ART5: variants seen among roughly 807,000 people sequenced by gnomAD.
ART5 encodes the protein ecto-ADP-ribosyltransferase 5.
A neutral mutation model predicts 25.0 loss-of-function variants in ART5; 22 were observed. The ratio of observed to expected loss-of-function variants is 0.88; its 90% confidence interval spans 0.63 to 1.26. ART5 has a LOEUF of 1.26. Among genes scored for constraint, ART5 ranks in the 50% most tolerant of loss-of-function variants. The pLI is 0.00. For synonymous variants in ART5, 161 were observed against 154.8 expected (o/e 1.04, Z -0.30); for missense variants, 402 against 372.8 (o/e 1.08, Z -0.64).
chr11:3,639,159 C>A (rs562146876), intron 2 of ART5, 124 bp from the exon 3 acceptor site: 289 of 1,091,542 alleles, frequency 2.6e-4, no homozygotes, highest in Non-Finnish European at 3.1e-4. Context: ...TAAAGGGAAA[C>A]TTCTGATTTC....
rs140690198 is a variant in ART5, at chr11:3,641,832, C to A, written c.31G>T (p.Gly11Cys). The stretch of plus-strand genomic sequence containing the variant: ...TGCCAGGTGTGGAGGCCGAGGCTGC[C>A]GAGGGCGATCATCAAAGCCGCCAGC... MALAALMIAL[G>C]SLGLHTWQAQ... The change falls in exon 1 of 4, where the codon GGC becomes TGC. Residue 11 changes from glycine to cysteine, a missense_variant. Coordinates refer to ENST00000397068, the MANE Select transcript of ART5 (RefSeq NM_053017.5). 5.1e-4 allele frequency: 801 copies of A among 1,578,540 alleles called. 1 individual carries two copies. The highest frequency in any genetic ancestry group is 6.4e-4 in the Non-Finnish European group (750 of 1,163,170).
Position 3,638,988 on chromosome 11 carries a change from G to T in ART5, c.820+15C>A. On this transcript the variant is annotated intron_variant, in intron 3 of 3. Transcript: ENST00000397068. ...GGAGTCAAAGCAGCTGAAGGAGGATGGAAGGGCAACTCACCTGGCGCAGAC... is the reference window on the plus strand; with the variant it reads ...GGAGTCAAAGCAGCTGAAGGAGGATTGAAGGGCAACTCACCTGGCGCAGAC... 6.4e-7 allele frequency: 1 copy of T among 1,557,934 alleles called. No homozygotes were observed. The highest frequency in any genetic ancestry group is 8.7e-7 in the Non-Finnish European group (1 of 1,150,428).
At position 3,641,823 on chromosome 11, in the gene ART5, C is replaced by T. The variant is rs549422035; in HGVS notation, c.40G>A (p.Gly14Ser). The T allele has an allele frequency of 4.7e-5, 74 of 1,577,770 alleles. No homozygotes were observed. Among genetic ancestry groups the T allele is most frequent in the Admixed American group, 1.3e-4 (7 of 52,824 alleles). ...GGAGTTACCTGCCAGGTGTGGAGGC[C>T]GAGGCTGCCGAGGGCGATCATCAAA... ...AALMIALGSL[G>S]LHTWQAQAVP... Residue 14 changes from glycine (G) to serine (S), a missense_variant, in exon 1 of 4, where the codon GGC becomes AGC. By Grantham distance (56) the Gly-to-Ser change is moderately conservative (BLOSUM62 0). Coordinates refer to ENST00000397068, the MANE Select transcript of ART5 (RefSeq NM_053017.5).
chr11:3,640,414 C>T, intron 1 of ART5, 43 bp from the exon 2 acceptor site: 1 of 1,537,098 alleles, frequency 6.5e-7, no homozygotes, highest in South Asian at 1.3e-5. Flanking sequence ...AGCATAAGTT[C>T]AGAGCACTGG....
chr11:3,638,613 T>G lies in ART5; in HGVS notation c.*125A>C. The G allele has an allele frequency of 8.2e-7, 1 of 1,223,546 alleles. No homozygotes were observed. Among genetic ancestry groups the G allele is most frequent in the Non-Finnish European group, 1.2e-6 (1 of 840,372 alleles). 75.8% of individuals were successfully genotyped at this position (1,223,546 alleles called of 1,614,324 possible). A position where few individuals can be genotyped will look rare whatever the true frequency, so the allele number is the denominator to read the frequency against. Reference sequence around the variant, plus strand: ...CAAGTGGCTGCCTCAGTACTTTCCTTGCTTGTCCCAGGAAGTCCCCATCAC... The same window carrying G: ...CAAGTGGCTGCCTCAGTACTTTCCTGGCTTGTCCCAGGAAGTCCCCATCAC... On this transcript the variant is annotated 3_prime_UTR_variant, in exon 4 of 4. Coordinates refer to ENST00000397068, the MANE Select transcript of ART5 (RefSeq NM_053017.5).
At chr11:3,641,440 T>C (rs2077395435) in intron 1 of ART5, among the ~76,000 whole-genome samples, 1 of 152,108 alleles carries the variant, frequency 6.6e-6, no homozygotes, top group South Asian at 2.1e-4. Flanking sequence ...CCTCCCCTGC[T>C]CTGTACCCAC....
chr11:3,638,823 C>A (rs752689811), intron 3 of ART5, 30 bp from the exon 4 acceptor site: 2 of 1,614,108 alleles, frequency 1.2e-6, no homozygotes, highest in South Asian at 2.2e-5. Context: ...CTTTCAGGGC[C>A]CAACCCCTGA....
At chr11:3,642,132 A>G, upstream of ART5, 1 of 1,305,538 alleles carries the variant, frequency 7.7e-7, no homozygotes. Context: ...GCGGGGCCGC[A>G]GTTTGGCTCC....
At position 3,640,270 on chromosome 11, in the gene ART5, C is replaced by G. The variant is rs750097894; in HGVS notation, c.159G>C (p.Leu53=). 1.2e-5 allele frequency: 19 copies of G among 1,613,444 alleles called. No individual in the cohort carries two copies. Among genetic ancestry groups the G allele is most frequent in the Middle Eastern group, 1.6e-4 (1 of 6,084 alleles). ...AEEMEEKAAP[L]LKEEMAHHAL... is the part of the protein sequence containing the mutation. ...CATGGTGGGCCATTTCCTCCTTTAG[C>G]AGGGGGGCTGCCTTCTCCTCCATCT... Residue 53 remains leucine, a synonymous_variant, in exon 2 of 4, where the codon CTG becomes CTC. Transcript: ENST00000397068.
Position 3,639,997 on chromosome 11 carries a change from C to T in ART5, c.432G>A (p.Leu144=). 2 of 1,614,184 alleles carry T rather than the reference C, an allele frequency of 1.2e-6. No homozygotes were observed. Among genetic ancestry groups the T allele is most frequent in the South Asian group, 2.2e-5 (2 of 91,088 alleles). Reference sequence around the variant, plus strand: ...CCCTGCTGCAGCCCCCACTGCCTCGCAGCAGCTGCAGGGCCCGGATCAGGT... The same window carrying T: ...CCCTGCTGCAGCCCCCACTGCCTCGTAGCAGCTGCAGGGCCCGGATCAGGT... ...HFYLIRALQL[L]RGSGGCSRGP... Residue 144 remains leucine (L), a synonymous_variant, in exon 2 of 4, where the codon CTG becomes CTA. Transcript: ENST00000397068.
chr11:3,638,920 C>T, intron 3 of ART5, 83 bp downstream of exon 3: 2 of 1,592,612 alleles, frequency 1.3e-6, no homozygotes, highest in Non-Finnish European at 1.7e-6. Context: ...AGCTGCACCC[C>T]TGCTGAAGGG....
At chr11:3,639,549 G>A in intron 2 of ART5, 93 bp downstream of exon 2, 2 of 1,491,152 alleles carry the variant, frequency 1.3e-6, no homozygotes, top group African/African-American at 1.4e-5. Flanking sequence ...TTAACCAAGT[G>A]GGTCTCCCGA....
At chr11:3,641,785 G>C (rs1464954643) in intron 1 of ART5, 21 bp downstream of exon 1, 3 of 1,569,994 alleles carry the variant, frequency 1.9e-6, no homozygotes, top group Non-Finnish European at 2.6e-6. Context: ...CTTGGGGCTA[G>C]GAGATGGTTC....
intron 2 of ART5, 25 bp from the exon 3 acceptor site, chr11:3,639,060 C>T (rs1290073644): frequency 2.6e-6 from 4 of 1,550,432 alleles, no homozygotes; most frequent in Non-Finnish European, 3.5e-6. Flanking sequence ...AGGGTGAGGC[C>T]TCCGCGTGGA....
At position 3,639,682 on chromosome 11, in the gene ART5, A is replaced by G. The variant is rs779063382; in HGVS notation, c.747T>C (p.Tyr249=). 1.2e-6 allele frequency: 2 copies of G among 1,613,872 alleles called. No individual in the cohort carries two copies. The highest frequency in any genetic ancestry group is 2.2e-5 in the South Asian group (2 of 91,072). The change falls in exon 2 of 4, where the codon TAT becomes TAC. Residue 249 remains tyrosine (Y), a synonymous_variant. Transcript: ENST00000397068. ...AGTTAAAATGGCTACAGGTCTGATT[A>G]TAGCTCCAGAGAGTCACCAAGCTCT... The part of the protein sequence containing the change: ...GAQSLVTLWS[Y]NQTCSHFNCA...
At position 3,640,149 on chromosome 11, in the gene ART5, T is replaced by A. The variant is rs1160684456; in HGVS notation, c.280A>T (p.Ile94Leu). 6.2e-7 allele frequency: 1 copy of A among 1,614,194 alleles called. No homozygotes were observed. ...GAGTTGGTGTAGACCATAATGGCTA[T>A]TCCATTCTGGGCTTTGAAGCCAGGG... Reference protein sequence around the residue: ...LPPGFKAQNGIAIMVYTNSSN... With the variant: ...LPPGFKAQNGLAIMVYTNSSN... Residue 94 changes from isoleucine to leucine, a missense_variant, in exon 2 of 4, where the codon ATA (isoleucine) becomes TTA (leucine). Coordinates refer to ENST00000397068, the MANE Select transcript of ART5 (RefSeq NM_053017.5).
At chr11:3,642,344 C>T, upstream of ART5, 3 of 984,000 alleles carry the variant, frequency 3.0e-6, no homozygotes, top group Non-Finnish European at 3.6e-6. Flanking sequence ...GCACGCGGGG[C>T]CGGGAGCGGG....
Position 3,638,643 on chromosome 11 carries a change from C to A in ART5, c.*95G>T, listed in dbSNP as rs941307788. 2.0e-6 allele frequency: 3 copies of A among 1,487,610 alleles called. No individual in the cohort carries two copies. The Admixed American group carries it at 5.1e-5, about 25-fold the overall frequency. The allele number at this position is 1,487,610 out of a possible 1,614,324, so 92.2% of individuals were successfully genotyped here. ...GTCCCAGGAAGTCCCCATCACATAG[C>A]AGAGTTCCCTCAGCCCTGCTGTGGC... is the stretch of plus-strand genomic sequence containing the variant. On this transcript the variant is annotated 3_prime_UTR_variant, in exon 4 of 4. Transcript: ENST00000397068.
chr11:3,641,852 G>T lies in ART5; in HGVS notation c.11C>A (p.Ala4Glu), dbSNP rs745566340. Reference sequence around the variant, plus strand: ...GCTGCCGAGGGCGATCATCAAAGCCGCCAGCGCCATCCCTGGAGGAGACGT... The same window carrying T: ...GCTGCCGAGGGCGATCATCAAAGCCTCCAGCGCCATCCCTGGAGGAGACGT... MALAALMIALGSLG... is the reference protein window; with the variant it reads MALEALMIALGSLG... The change falls in exon 1 of 4, where the codon GCG (alanine) becomes GAG (glutamate). Residue 4 changes from alanine (A) to glutamate (E), a missense_variant. By Grantham distance (107) the Ala-to-Glu change is moderately radical. Coordinates refer to ENST00000397068, the MANE Select transcript of ART5 (RefSeq NM_053017.5). 6.4e-7 allele frequency: 1 copy of T among 1,574,434 alleles called. No homozygotes were observed. The highest frequency in any genetic ancestry group is 8.6e-7 in the Non-Finnish European group (1 of 1,160,482).
Sources: gnomAD v4.1 joint callset for allele counts (sites outside exome capture counted in the v4.1 genomes callset) on GRCh38, gnomAD v4.1.1 for gene constraint, MANE v1.5 for transcripts, NCBI Gene and HGNC (gene_info 2026-07-23, HGNC 2026-07-21) for gene names.